Variants in ST8SIA2 observed in about 807,000 individuals in gnomAD.
The protein encoded by ST8SIA2 is alpha-2,8-sialyltransferase 8B.
Under a neutral mutation model 37.6 loss-of-function variants are expected in ST8SIA2, and 22 were observed. The observed-to-expected ratio is 0.58, with a 90% confidence interval of 0.42 to 0.83. The LOEUF is 0.83. ST8SIA2 is among the 40% of genes least tolerant of loss of function. The pLI, the probability that ST8SIA2 is intolerant of heterozygous loss-of-function variation, is 0.00. For synonymous variants in ST8SIA2, 205 were observed against 201.2 expected (o/e 1.02, Z -0.16); for missense variants, 382 against 484.7 (o/e 0.79, Z 1.99).
chr15:92,418,462 CAAAAAAAAAAAA>C, intron 1 of ST8SIA2, among the ~76,000 whole-genome samples: 1 of 100,062 alleles, frequency 1.0e-5, no homozygotes, highest in East Asian at 2.6e-4. Context: ...GACCCTCCCT[CAAAAAAAAAAAA>C]AAAAAAAAAG....
intron 1 of ST8SIA2, among the ~76,000 whole-genome samples, chr15:92,405,670 AG>A (rs1311972854): frequency 6.6e-6 from 1 of 152,226 alleles, no homozygotes; most frequent in Non-Finnish European, 1.5e-5. Flanking sequence ...GGGGAAATGG[AG>A]GGAGAAAAGG....
chr15:92,451,715 C>T (rs1032774876), intron 5 of ST8SIA2, among the ~76,000 whole-genome samples: 8 of 152,172 alleles, frequency 5.3e-5, no homozygotes, highest in Admixed American at 1.3e-4. Context: ...ACATGCCGCA[C>T]GCCATGCCAA....
intron 1 of ST8SIA2, among the ~76,000 whole-genome samples, chr15:92,400,442 TAAC>T (rs913190466): frequency 6.6e-6 from 1 of 152,220 alleles, no homozygotes; most frequent in Admixed American, 6.5e-5. Flanking sequence ...CATACTATTC[TAAC>T]AACAATTAAA....
chr15:92,401,208 G>A (rs563412550), intron 1 of ST8SIA2, among the ~76,000 whole-genome samples: 88 of 152,316 alleles, frequency 5.8e-4, no homozygotes, highest in African/African-American at 2.0e-3. Context: ...TCCTGCCAGG[G>A]CGTGGGGACA....
At chr15:92,424,194 T>C (rs947009582) in intron 1 of ST8SIA2, among the ~76,000 whole-genome samples, 2 of 152,206 alleles carry the variant, frequency 1.3e-5, no homozygotes, top group African/African-American at 4.8e-5. Flanking sequence ...ATTAAAATTG[T>C]CAGCTCCTGA....
rs150850675 is a variant in ST8SIA2 at position 92,444,561 on chromosome 15, A to G, written c.549-75A>G. The G allele has an allele frequency of 4.2e-4, 669 of 1,592,014 alleles. 4 individuals carry two copies. The African/African-American group carries it at 7.7e-3, about 18-fold the overall frequency. On this transcript the variant is annotated intron_variant, in intron 4 of 5. Transcript: ENST00000268164. ...ATGAGAAAGAAGCAAGGAGAGGCAA[A>G]GGATGGGATCGAGTTAAACAGAGGA... is the stretch of plus-strand genomic sequence containing the variant.
intron 5 of ST8SIA2, among the ~76,000 whole-genome samples, chr15:92,463,527 G>T (rs1228088154): frequency 6.6e-6 from 1 of 152,100 alleles, no homozygotes; most frequent in Admixed American, 6.5e-5. Flanking sequence ...CGCCCTGTGG[G>T]ACTCTTGGAA....
intron 1 of ST8SIA2, among the ~76,000 whole-genome samples, chr15:92,396,131 A>G (rs1270992264): frequency 6.6e-6 from 1 of 152,116 alleles, no homozygotes; most frequent in Admixed American, 6.5e-5. Context: ...AAACGGTCAA[A>G]CAAGTACGAT....
intron 1 of ST8SIA2, among the ~76,000 whole-genome samples, chr15:92,399,509 C>T (rs916103927): frequency 2.6e-5 from 4 of 152,256 alleles, no homozygotes; most frequent in Non-Finnish European, 2.9e-5. Flanking sequence ...GTTTAGTGGA[C>T]GAGTGCACGT....
chr15:92,421,828 G>A (rs2049636714), intron 1 of ST8SIA2, among the ~76,000 whole-genome samples: 1 of 152,328 alleles, frequency 6.6e-6, no homozygotes, highest in Admixed American at 6.5e-5. Context: ...GAAAGGCTTT[G>A]TAGAAGAACG....
chr15:92,427,592 C>G (rs926432705), intron 1 of ST8SIA2, among the ~76,000 whole-genome samples: 8 of 152,122 alleles, frequency 5.3e-5, no homozygotes, highest in African/African-American at 1.9e-4. Flanking sequence ...AAAAGTCCCT[C>G]CCATACACTC....
intron 2 of ST8SIA2, among the ~76,000 whole-genome samples, chr15:92,431,752 C>T (rs1251018045): frequency 6.6e-6 from 1 of 152,126 alleles, no homozygotes; most frequent in Non-Finnish European, 1.5e-5. Context: ...TCTAATCCAT[C>T]CCCTTTATTT....
At chr15:92,447,521 A>G (rs780362288) in intron 5 of ST8SIA2, among the ~76,000 whole-genome samples, 1 of 151,842 alleles carries the variant, frequency 6.6e-6, no homozygotes, top group Non-Finnish European at 1.5e-5. Flanking sequence ...CAGTGTACAG[A>G]CTCCCCACTG....
chr15:92,405,303 T>A (rs568132597), intron 1 of ST8SIA2, among the ~76,000 whole-genome samples: 1 of 152,352 alleles, frequency 6.6e-6, no homozygotes, highest in African/African-American at 2.4e-5. Context: ...GAAAGTAGAA[T>A]GGCGGTTGCC....
At chr15:92,429,946 C>A in intron 1 of ST8SIA2, 103 bp from the exon 2 acceptor site, 1 of 1,258,120 alleles carries the variant, frequency 7.9e-7, no homozygotes, top group Non-Finnish European at 1.2e-6. Flanking sequence ...TCTCTTCCAC[C>A]CTCTGTAGTT....
intron 4 of ST8SIA2, among the ~76,000 whole-genome samples, chr15:92,443,307 T>C (rs767663999): frequency 1.8e-4 from 28 of 152,272 alleles, no homozygotes; most frequent in Middle Eastern, 3.4e-3. Flanking sequence ...TCCCCTGCAG[T>C]GCCCTCTGCT....
At chr15:92,399,510 G>A (rs185937109) in intron 1 of ST8SIA2, among the ~76,000 whole-genome samples, 41 of 152,330 alleles carry the variant, frequency 2.7e-4, no homozygotes, top group African/African-American at 8.7e-4. Flanking sequence ...TTTAGTGGAC[G>A]AGTGCACGTG....
chr15:92,443,213 C>T (rs1447770112), intron 4 of ST8SIA2, among the ~76,000 whole-genome samples: 1 of 152,194 alleles, frequency 6.6e-6, no homozygotes, highest in Non-Finnish European at 1.5e-5. Context: ...TTTTTACACT[C>T]TTAACTGGAT....
Position 92,450,190 on chromosome 15 carries a change from A to ACTATAC in ST8SIA2, c.842+5264_842+5269dup, listed in dbSNP as rs371969861. Among the ~76,000 whole-genome samples the ACTATAC allele has an allele frequency of 2.6e-3, 398 of 152,362 alleles. 2 individuals carry two copies. The highest frequency in any genetic ancestry group is 8.9e-3 in the African/African-American group (372 of 41,588). On this transcript the variant is annotated intron_variant, in intron 5 of 5. Coordinates refer to ENST00000268164, the MANE Select transcript of ST8SIA2 (RefSeq NM_006011.4). ...ATAATTAGAGAAAAGATTTACAAATACTATACCTGATAAGGGATTAACATC... is the reference window on the plus strand; with the variant it reads ...ATAATTAGAGAAAAGATTTACAAATACTATACCTATACCTGATAAGGGATTAACATC...
Sources: gnomAD v4.1 joint callset for allele counts (sites outside exome capture counted in the v4.1 genomes callset) on GRCh38, gnomAD v4.1.1 for gene constraint, MANE v1.5 for transcripts, NCBI Gene and HGNC (gene_info 2026-07-23, HGNC 2026-07-21) for gene names.